Variants in SHISA9 observed in about 807,000 individuals in gnomAD.
The protein encoded by SHISA9 is protein shisa-9.
SHISA9 carries 13 observed loss-of-function variants against 38.0 expected under a neutral mutation model. That is an observed-to-expected ratio of 0.34 (90% confidence interval 0.22 to 0.54). The LOEUF is 0.54. Ranked by LOEUF, SHISA9 falls within the 20% of genes least tolerant of loss-of-function variation. SHISA9 has a pLI of 0.91. For synonymous variants in SHISA9, 275 were observed against 242.0 expected, an observed-to-expected ratio of 1.14 and a Z score of -1.27; for missense variants, 538 against 575.8, an observed-to-expected ratio of 0.93 and a Z score of 0.67.
chr16:13,096,046 A>C (rs932600873), intron 2 of SHISA9, among the ~76,000 whole-genome samples: 6 of 152,214 alleles, frequency 3.9e-5, no homozygotes, highest in African/African-American at 1.2e-4. Context: ...AGTCAAGAAT[A>C]CTTGAGTTTG....
intron 2 of SHISA9, among the ~76,000 whole-genome samples, chr16:13,161,539 C>T (rs1474855112): frequency 1.3e-5 from 2 of 152,118 alleles, no homozygotes; most frequent in Non-Finnish European, 2.9e-5. Context: ...GCTAAAATGC[C>T]AAGTCTATAA....
At chr16:13,003,836 C>T (rs762121520) in intron 2 of SHISA9, among the ~76,000 whole-genome samples, 12 of 150,860 alleles carry the variant, frequency 8.0e-5, no homozygotes, top group South Asian at 2.1e-4. Context: ...CCAACCTGGA[C>T]GACAGAGCGA....
At chr16:13,482,523 G>A in the SHISA9 span, among the ~76,000 whole-genome samples, 2 of 152,376 alleles carry the variant, frequency 1.3e-5, no homozygotes, top group South Asian at 2.1e-4. Flanking sequence ...TTCGAGGCCA[G>A]GTGTGGTGGC....
Position 13,099,411 on chromosome 16 carries a change from A to G in SHISA9, c.692-103983A>G, listed in dbSNP as rs375454842. ...AGCAAGCACAAGGGAGAATAATAAA[A>G]CAAGGGTGGGGGACAAAGAATGCTG... On this transcript the variant is annotated intron_variant, in intron 2 of 4. Coordinates refer to ENST00000558583, the MANE Select transcript of SHISA9 (RefSeq NM_001145204.3). 8.5e-5 allele frequency among the ~76,000 whole-genome samples: 13 copies of G among 152,308 alleles called. 2 individuals are homozygous for G. Among genetic ancestry groups the G allele is most frequent in the African/African-American group, 3.1e-4 (13 of 41,570 alleles).
At chr16:13,367,699 C>CGTGCGT in the SHISA9 span, among the ~76,000 whole-genome samples, 11 of 55,540 alleles carry the variant, frequency 2.0e-4, no homozygotes, top group African/African-American at 7.1e-4. Flanking sequence ...CGTGTGCGTG[C>CGTGCGT]GCGCGCGCGC....
At chr16:12,905,013 C>T (rs542673481) in intron 1 of SHISA9, among the ~76,000 whole-genome samples, 10 of 152,008 alleles carry the variant, frequency 6.6e-5, no homozygotes, top group Middle Eastern at 3.4e-3. Context: ...CCACTGTGCC[C>T]GATTGCATCT....
At chr16:13,214,703 A>G (rs937332590) in intron 4 of SHISA9, among the ~76,000 whole-genome samples, 1 of 152,156 alleles carries the variant, frequency 6.6e-6, no homozygotes, top group African/African-American at 2.4e-5. Context: ...GGCAGAAGGG[A>G]AGGAGGAGCA....
chr16:13,190,534 C>T (rs949293210), intron 2 of SHISA9, among the ~76,000 whole-genome samples: 1 of 152,210 alleles, frequency 6.6e-6, no homozygotes, highest in African/African-American at 2.4e-5. Context: ...AGCAAGGCCC[C>T]CTGCCTTCTA....
At chr16:13,103,217 A>T (rs185818014) in intron 2 of SHISA9, among the ~76,000 whole-genome samples, 223 of 151,912 alleles carry the variant, frequency 1.5e-3, no homozygotes, top group African/African-American at 4.9e-3. Flanking sequence ...TGAAGAAAAC[A>T]CTCTTCCGGA....
the SHISA9 span, among the ~76,000 whole-genome samples, chr16:13,372,925 T>TTATA: frequency 0.82 from 124,709 of 151,678 alleles, 51,394 homozygotes; most frequent in East Asian, 0.96. Flanking sequence ...GATATACTGT[T>TTATA]TAGTGTATGT....
At chr16:13,094,648 A>G (rs79605303) in intron 2 of SHISA9, among the ~76,000 whole-genome samples, 2,748 of 152,312 alleles carry the variant, frequency 0.018, 81 homozygotes, top group African/African-American at 0.062. Context: ...TTTCGAAGTC[A>G]GGGATAAAAT....
intron 2 of SHISA9, among the ~76,000 whole-genome samples, chr16:13,197,145 G>GTA (rs377723168): frequency 0.038 from 4,543 of 119,626 alleles, 83 homozygotes; most frequent in East Asian, 0.061. Flanking sequence ...ACATATATGT[G>GTA]TATATATATA....
chr16:13,292,537 G>C, the SHISA9 span, among the ~76,000 whole-genome samples: 1 of 152,066 alleles, frequency 6.6e-6, no homozygotes, highest in Non-Finnish European at 1.5e-5. Flanking sequence ...TAAATATCCA[G>C]TGTGTACTGA....
At chr16:13,437,313 C>T in the SHISA9 span, among the ~76,000 whole-genome samples, 2 of 152,140 alleles carry the variant, frequency 1.3e-5, no homozygotes, top group Admixed American at 1.3e-4. Context: ...CCCACTCTAC[C>T]CTGGGGAGAA....
rs76960759 is a variant in SHISA9 at position 13,180,812 on chromosome 16, G to A, written c.692-22582G>A. Reference sequence around the variant, plus strand: ...TCAACACTACACAGAGTGCTAAGTAGGATTCTACATTCCATGTCCCAGGAA... The same window carrying A: ...TCAACACTACACAGAGTGCTAAGTAAGATTCTACATTCCATGTCCCAGGAA... On this transcript the variant is annotated intron_variant, in intron 2 of 4. Transcript: ENST00000558583. 3.4e-3 allele frequency among the ~76,000 whole-genome samples: 523 copies of A among 152,292 alleles called. 1 individual carries two copies. Among genetic ancestry groups the A allele is most frequent in the Non-Finnish European group, 4.9e-3 (333 of 68,016 alleles).
At chr16:13,117,416 A>G in intron 2 of SHISA9, among the ~76,000 whole-genome samples, 1 of 152,056 alleles carries the variant, frequency 6.6e-6, no homozygotes, top group African/African-American at 2.4e-5. Flanking sequence ...GACCTTCCAG[A>G]AATTCCCTAA....
the SHISA9 span, among the ~76,000 whole-genome samples, chr16:13,291,057 C>A: frequency 6.6e-6 from 1 of 152,124 alleles, no homozygotes; most frequent in African/African-American, 2.4e-5. Flanking sequence ...TAGCCTCTGG[C>A]ACCAACTTGC....
intron 2 of SHISA9, among the ~76,000 whole-genome samples, chr16:13,051,618 G>C (rs1485405329): frequency 1.3e-5 from 2 of 152,114 alleles, no homozygotes; most frequent in South Asian, 2.1e-4. Flanking sequence ...GTGCTAGGTA[G>C]GGCAAGATAG....
chr16:13,210,014 T>C (rs1034349695), intron 3 of SHISA9, among the ~76,000 whole-genome samples: 1 of 152,098 alleles, frequency 6.6e-6, no homozygotes, highest in African/African-American at 2.4e-5. Context: ...GGCAGGAGAA[T>C]GGCGTGAACC....
Sources: allele counts gnomAD v4.1 joint callset (sites outside exome capture counted in the v4.1 genomes callset), GRCh38; gene constraint gnomAD v4.1.1; transcripts MANE v1.5; gene names NCBI Gene and HGNC (gene_info 2026-07-23, HGNC 2026-07-21).